The following EFNB2 variants were observed in gnomAD, a reference collection of about 807,000 sequenced individuals.
EFNB2 encodes the protein ephrin-B2.
Under a neutral mutation model 32.1 loss-of-function variants are expected in EFNB2, and 5 were observed. The ratio of observed to expected loss-of-function variants is 0.16; its 90% confidence interval spans 0.08 to 0.33. The LOEUF (loss-of-function observed/expected upper bound fraction) is 0.33, where lower values mean the gene tolerates loss of function less well. Ranked by LOEUF, EFNB2 falls within the 10% of genes least tolerant of loss-of-function variation. The pLI is 1.00. For missense variants in EFNB2, 263 were observed against 422.6 expected (o/e 0.62, Z 3.31); for synonymous variants, 168 against 166.5 (o/e 1.01, Z -0.07).
chr13:106,525,023 T>C (rs1879651034), intron 1 of EFNB2, among the ~76,000 whole-genome samples: 1 of 152,206 alleles, frequency 6.6e-6, no homozygotes, highest in South Asian at 2.1e-4. Context: ...CAAAGGCAAA[T>C]TGAACCACGG....
intron 2 of EFNB2, among the ~76,000 whole-genome samples, chr13:106,496,138 G>A (rs926095094): frequency 3.3e-5 from 5 of 152,314 alleles, no homozygotes; most frequent in African/African-American, 1.2e-4. Flanking sequence ...AAATAAAAGG[G>A]ATGGCATCCT....
chr13:106,524,744 C>G (rs1253412963), intron 1 of EFNB2, among the ~76,000 whole-genome samples: 1 of 152,192 alleles, frequency 6.6e-6, no homozygotes, highest in Non-Finnish European at 1.5e-5. Context: ...ATTCAAAGAG[C>G]CTCCTCTCAG....
chr13:106,504,368 A>G (rs1409269192), intron 2 of EFNB2, among the ~76,000 whole-genome samples: 1 of 152,218 alleles, frequency 6.6e-6, no homozygotes, highest in East Asian at 1.9e-4. Context: ...AGTTTAGAAT[A>G]TAACAACACT....
chr13:106,524,009 C>T (rs1434243948), intron 1 of EFNB2, among the ~76,000 whole-genome samples: 1 of 152,140 alleles, frequency 6.6e-6, no homozygotes, highest in Non-Finnish European at 1.5e-5. Flanking sequence ...GAAAATGTTA[C>T]CAAAGGAATA....
rs946501617 is a variant in EFNB2 at position 106,493,919 on chromosome 13, G to C, written c.614-491C>G. Among the ~76,000 whole-genome samples the C allele has an allele frequency of 1.3e-5, 2 of 152,358 alleles. No individual in the cohort carries two copies. The highest frequency in any genetic ancestry group is 3.9e-4 in the East Asian group (2 of 5,190). On this transcript the variant is annotated intron_variant, in intron 4 of 4. Transcript: ENST00000646441. The surrounding 1 kb of genome is among the most constrained non-coding windows in gnomAD (Gnocchi z 6.1). ...AACAGAACAGCTCGGGAACGCGGAA[G>C]GAGTGAGGGGGCCTGGGAAAATGTT...
At chr13:106,520,017 G>C (rs1354159367) in intron 1 of EFNB2, 1 of 151,914 alleles carries the variant, frequency 6.6e-6, no homozygotes, top group African/African-American at 2.4e-5. Flanking sequence ...TAACAAACTT[G>C]TTTACTCAAA....
chr13:106,500,072 G>GA (rs200747285), intron 2 of EFNB2, among the ~76,000 whole-genome samples: 1,715 of 151,838 alleles, frequency 0.011, 36 homozygotes, highest in African/African-American at 0.039. Context: ...ATCTGAGTAG[G>GA]AAAAAAAAGA....
intron 3 of EFNB2, among the ~76,000 whole-genome samples, 197 bp downstream of exon 3, chr13:106,495,551 T>C (rs1878562315): frequency 6.6e-6 from 1 of 152,174 alleles, no homozygotes; most frequent in African/African-American, 2.4e-5. Context: ...ACCTTGCTGA[T>C]CTTAACTCTT....
rs1295491580 is a variant in EFNB2, at chr13:106,490,309, G to A, written c.*2731C>T. On this transcript the variant is annotated 3_prime_UTR_variant, in exon 5 of 5. Transcript: ENST00000646441. ...ACAGCATCTTCACTGAAACATGATG[G>A]TGCAAATTCCAAAGTCGGGTGACCA... 2.6e-5 allele frequency: 4 copies of A among 152,106 alleles called. No homozygotes were observed. Among genetic ancestry groups the A allele is most frequent in the Non-Finnish European group, 4.4e-5 (3 of 68,026 alleles). 9.4% of individuals were successfully genotyped at this position (152,106 alleles called of 1,614,324 possible).
chr13:106,532,232 T>A (rs1879902003), intron 1 of EFNB2, among the ~76,000 whole-genome samples: 1 of 152,112 alleles, frequency 6.6e-6, no homozygotes, highest in Non-Finnish European at 1.5e-5. Context: ...GCCGACAATG[T>A]GATTAAAGTA....
rs1272216835 is a variant in EFNB2 at position 106,526,123 on chromosome 13, CCT to C, written c.122+8718_122+8719del. 3.9e-5 allele frequency among the ~76,000 whole-genome samples: 6 copies of C among 152,150 alleles called. No homozygotes were observed. The South Asian group carries it at 1.0e-3, about 26-fold the overall frequency. ...ACTCTGGGGGTGGGGCCCAGAAACCCCTGTTTTCTCAAGCCCTGCAGGGGATT... is the reference window on the plus strand; with the variant it reads ...ACTCTGGGGGTGGGGCCCAGAAACCCGTTTTCTCAAGCCCTGCAGGGGATT... On this transcript the variant is annotated intron_variant, in intron 1 of 4. Coordinates refer to ENST00000646441, the MANE Select transcript of EFNB2 (RefSeq NM_004093.4).
chr13:106,506,587 G>C (rs896804413), intron 2 of EFNB2: 4 of 152,158 alleles, frequency 2.6e-5, no homozygotes. Context: ...CAGCATTACT[G>C]AAACGTGTAA....
chr13:106,504,539 A>T lies in EFNB2; in HGVS notation c.406+7990T>A, dbSNP rs185829852. Among the ~76,000 whole-genome samples, 4 of 152,346 alleles carry T rather than the reference A, an allele frequency of 2.6e-5. No individual in the cohort carries two copies. In the East Asian group the frequency reaches 7.7e-4, roughly 29 times the overall value. ...CCTACACATGAACCTTATTCCGTCC[A>T]GGGGACATGTTCTATCCTCTAAGAA... On this transcript the variant is annotated intron_variant, in intron 2 of 4. Coordinates refer to ENST00000646441, the MANE Select transcript of EFNB2 (RefSeq NM_004093.4).
In EFNB2 at chr13:106,490,464, T is replaced by C. The variant is rs1299072586; in HGVS notation, c.*2576A>G. On this transcript the variant is annotated 3_prime_UTR_variant, in exon 5 of 5. Transcript: ENST00000646441. Reference sequence around the variant, plus strand: ...ACAGACGCACAGAACACTTTTCAATTGGTTGCAGGGAACTCTTTTATCAAT... The same window carrying C: ...ACAGACGCACAGAACACTTTTCAATCGGTTGCAGGGAACTCTTTTATCAAT... 1 of 152,210 alleles carries C rather than the reference T, an allele frequency of 6.6e-6. No individual in the cohort carries two copies. Among genetic ancestry groups the C allele is most frequent in the African/African-American group, 2.4e-5 (1 of 41,442 alleles). 9.4% of individuals were successfully genotyped at this position (152,210 alleles called of 1,614,324 possible). A position where few individuals can be genotyped will look rare whatever the true frequency, so the allele number is the denominator to read the frequency against.
chr13:106,523,982 G>C (rs1879619581), intron 1 of EFNB2, among the ~76,000 whole-genome samples: 1 of 152,034 alleles, frequency 6.6e-6, no homozygotes, highest in South Asian at 2.1e-4. Flanking sequence ...ACAATCAAAT[G>C]TTACAATTTT....
At chr13:106,529,232 C>G (rs749414113) in intron 1 of EFNB2, among the ~76,000 whole-genome samples, 14 of 152,054 alleles carry the variant, frequency 9.2e-5, no homozygotes, top group Non-Finnish European at 1.6e-4. Context: ...AACCCCAGCC[C>G]TACCTATCCC....
chr13:106,506,541 G>C (rs934216745), intron 2 of EFNB2: 7 of 152,152 alleles, frequency 4.6e-5, no homozygotes, highest in Non-Finnish European at 7.4e-5. Flanking sequence ...AACACTGAAA[G>C]AAGACAAAGA....
intron 1 of EFNB2, among the ~76,000 whole-genome samples, chr13:106,528,689 G>A (rs570096529): frequency 7.2e-5 from 11 of 152,250 alleles, no homozygotes; most frequent in Admixed American, 3.9e-4. Context: ...ACCCGATTGC[G>A]GATGTCACTC....
chr13:106,504,934 T>C (rs1878902110), intron 2 of EFNB2, among the ~76,000 whole-genome samples: 2 of 152,156 alleles, frequency 1.3e-5, no homozygotes, highest in South Asian at 2.1e-4. Context: ...CAAAATAGTA[T>C]AGATTTATTG....
Sources: allele counts gnomAD v4.1 joint callset (sites outside exome capture counted in the v4.1 genomes callset), GRCh38; gene constraint gnomAD v4.1.1; non-coding constraint Gnocchi (gnomAD v3.1); transcripts MANE v1.5; gene names NCBI Gene and HGNC (gene_info 2026-07-23, HGNC 2026-07-21).